Variants in LOC112694756 observed in about 807,000 individuals in gnomAD.
At chr16:30,054,448 T>C in the LOC112694756 span, 1 of 205,686 alleles carries the variant, frequency 4.9e-6, no homozygotes, top group Non-Finnish European at 9.6e-6. Flanking sequence ...AATTGCAGGT[T>C]GGATGACAGG....
the LOC112694756 span, chr16:30,064,290 C>T: frequency 1.0e-5 from 4 of 397,754 alleles, no homozygotes; most frequent in Admixed American, 4.4e-5. Flanking sequence ...TTAAAAAAAA[C>T]CAGGGCTCCA....
chr16:30,064,281 T>TA, the LOC112694756 span: 615 of 394,256 alleles, frequency 1.6e-3, 1 homozygote, highest in Non-Finnish European at 2.4e-3. Context: ...CTCTCCTTCT[T>TA]AAAAAAAACC....
the LOC112694756 span, among the ~76,000 whole-genome samples, chr16:30,059,589 T>C: frequency 3.3e-5 from 5 of 151,098 alleles, no homozygotes; most frequent in Non-Finnish European, 4.4e-5. Flanking sequence ...TGGAGTGCAG[T>C]GCTCCCTCTG....
chr16:30,070,327 C>G, the LOC112694756 span: 3 of 946,156 alleles, frequency 3.2e-6, no homozygotes, highest in East Asian at 5.0e-5. Flanking sequence ...TTTCTTCCCT[C>G]GTGACAGTGG....
chr16:30,062,530 CAAA>C, the LOC112694756 span, among the ~76,000 whole-genome samples: 4 of 58,590 alleles, frequency 6.8e-5, no homozygotes, highest in Admixed American at 2.0e-4. Flanking sequence ...GACTCCGTCT[CAAA>C]AAAAAAAAAA....
chr16:30,067,557 A>G, the LOC112694756 span: 8 of 1,613,716 alleles, frequency 5.0e-6, no homozygotes, highest in Non-Finnish European at 6.8e-6. Flanking sequence ...GAACCCCTGC[A>G]TTGGGGGTGT....
chr16:30,063,671 A>T, the LOC112694756 span: 1 of 399,110 alleles, frequency 2.5e-6, no homozygotes, highest in East Asian at 3.6e-5. Context: ...TTCTCCCCTT[A>T]GAGAGCAACA....
the LOC112694756 span, chr16:30,064,180 C>G: frequency 1.5e-5 from 6 of 397,984 alleles, no homozygotes; most frequent in Non-Finnish European, 2.2e-5. Context: ...GGAGTCTGGC[C>G]CTTGAGTACC....
the LOC112694756 span, chr16:30,054,901 G>A: frequency 2.5e-6 from 1 of 399,024 alleles, no homozygotes; most frequent in Non-Finnish European, 4.4e-6. Context: ...GCTGGGTCTA[G>A]TCCTGCTGAC....
chr16:30,069,789 T>G, the LOC112694756 span: 2 of 1,613,078 alleles, frequency 1.2e-6, no homozygotes, highest in South Asian at 1.1e-5. Context: ...GCTTCCTGGG[T>G]CTCTGACCAC....
At chr16:30,069,800 A>C in the LOC112694756 span, 1 of 1,613,798 alleles carries the variant, frequency 6.2e-7, no homozygotes, top group Non-Finnish European at 8.5e-7. Context: ...CTCTGACCAC[A>C]GCCCCTCTCG....
the LOC112694756 span, among the ~76,000 whole-genome samples, chr16:30,060,715 G>A: frequency 4.6e-5 from 7 of 152,164 alleles, no homozygotes; most frequent in Admixed American, 4.6e-4. Context: ...TCAAAAGCCC[G>A]CAGAAGTGAT....
the LOC112694756 span, chr16:30,064,804 G>C: frequency 3.7e-6 from 1 of 268,310 alleles, no homozygotes; most frequent in Non-Finnish European, 7.0e-6. Flanking sequence ...TTGCAGGACC[G>C]GGCCGGGGTG....
the LOC112694756 span, chr16:30,055,189 G>C: frequency 2.5e-6 from 1 of 399,356 alleles, no homozygotes; most frequent in Admixed American, 4.4e-5. Flanking sequence ...GCTGCTGCGC[G>C]GACGGTAGCT....
At chr16:30,069,898 T>C in the LOC112694756 span, 1 of 1,614,070 alleles carries the variant, frequency 6.2e-7, no homozygotes. Context: ...CATTAACAAG[T>C]GCCCCCTGCT....
chr16:30,067,214 C>T, the LOC112694756 span: 7 of 1,612,152 alleles, frequency 4.3e-6, no homozygotes, highest in South Asian at 5.5e-5. Flanking sequence ...TAGTCCTTCC[C>T]CTCTGTTTCC....
the LOC112694756 span, among the ~76,000 whole-genome samples, chr16:30,058,232 A>G: frequency 6.6e-6 from 1 of 152,198 alleles, no homozygotes; most frequent in African/African-American, 2.4e-5. Context: ...GGTGGAGGAC[A>G]GGGCAGGTTC....
At chr16:30,062,290 T>G in the LOC112694756 span, among the ~76,000 whole-genome samples, 1 of 152,172 alleles carries the variant, frequency 6.6e-6, no homozygotes, top group Non-Finnish European at 1.5e-5. Context: ...TCCCAGCACT[T>G]TGGGAGACCA....
At chr16:30,069,578 C>T in the LOC112694756 span, 2 of 1,614,012 alleles carry the variant, frequency 1.2e-6, no homozygotes, top group South Asian at 1.1e-5. Flanking sequence ...AACATGGTCA[C>T]CCCAGGCCAT....
Sources: allele counts gnomAD v4.1 joint callset (sites outside exome capture counted in the v4.1 genomes callset), GRCh38; gene constraint gnomAD v4.1.1; transcripts MANE v1.5.